The following ABLIM2 variants were observed in gnomAD, a reference collection of about 807,000 sequenced individuals.
The protein encoded by ABLIM2 is actin binding LIM protein family member 2.
A neutral mutation model predicts 97.7 loss-of-function variants in ABLIM2; 53 were observed. The ratio of observed to expected loss-of-function variants is 0.54; its 90% CI spans 0.44 to 0.68. The LOEUF is 0.68. Among genes scored for constraint, ABLIM2 ranks in the 30% least tolerant of loss-of-function variants. The pLI is 0.00. For missense variants in ABLIM2, 835 were observed against 867.2 expected (o/e 0.96, Z 0.47); for synonymous variants, 361 against 345.8 (o/e 1.04, Z -0.49).
intron 3 of ABLIM2, among the ~76,000 whole-genome samples, chr4:8,093,507 C>G (rs1484935318): frequency 2.0e-5 from 3 of 152,196 alleles, no homozygotes; most frequent in African/African-American, 7.2e-5. Context: ...AATCCAGCAG[C>G]TTTTAGCATA....
At chr4:8,073,885 C>T (rs758605849) in intron 6 of ABLIM2, among the ~76,000 whole-genome samples, 5 of 151,504 alleles carry the variant, frequency 3.3e-5, no homozygotes, top group Admixed American at 1.3e-4. Flanking sequence ...GTCGGGAGTT[C>T]GAGACCAGCC....
intron 17 of ABLIM2, among the ~76,000 whole-genome samples, chr4:7,991,364 C>T (rs1273151105): frequency 3.3e-5 from 5 of 151,538 alleles, no homozygotes; most frequent in Admixed American, 1.3e-4. Context: ...GGAAAGTCTC[C>T]AGGACCTCAC....
chr4:7,993,463 C>T (rs1192266121), intron 16 of ABLIM2, among the ~76,000 whole-genome samples: 1 of 152,196 alleles, frequency 6.6e-6, no homozygotes, highest in East Asian at 1.9e-4. Context: ...GTGGGAAAAT[C>T]ACTTGAGGCC....
In ABLIM2 at chr4:8,079,112, A is replaced by C. The variant is rs183976773; in HGVS notation, c.582-1391T>G. 4.3e-3 allele frequency among the ~76,000 whole-genome samples: 650 copies of C among 152,330 alleles called. 5 individuals carry two copies. The highest frequency in any genetic ancestry group is 0.015 in the African/African-American group (636 of 41,574). On this transcript the variant is annotated intron_variant, in intron 5 of 20. Transcript: ENST00000447017. Reference sequence around the variant, plus strand: ...TGCCCCTCTCTGGCTGCGGCCTGGAAGTGGCCCACAGCTGGGATAAGCCAT... The same window carrying C: ...TGCCCCTCTCTGGCTGCGGCCTGGACGTGGCCCACAGCTGGGATAAGCCAT...
intron 14 of ABLIM2, among the ~76,000 whole-genome samples, chr4:8,011,441 C>G (rs1300339862): frequency 6.6e-6 from 1 of 152,208 alleles, no homozygotes; most frequent in Admixed American, 6.5e-5. Flanking sequence ...ACTGGCACTT[C>G]GGATTATTGG....
Position 8,004,158 on chromosome 4 carries a change from C to A in ABLIM2, c.1618+3901G>T, listed in dbSNP as rs1468144557. 2.6e-5 allele frequency among the ~76,000 whole-genome samples: 4 copies of A among 151,978 alleles called. No individual in the cohort carries two copies. The highest frequency in any genetic ancestry group is 3.4e-3 in the Middle Eastern group (1 of 294). ...TGCAGCAGGGTCGCTGTCTCCTAAC[C>A]CTCCCTCCCAACGGGCTCCGAGACC... is the stretch of plus-strand genomic sequence containing the variant. On this transcript the variant is annotated intron_variant, in intron 16 of 20. Coordinates refer to ENST00000447017, the MANE Select transcript of ABLIM2 (RefSeq NM_001130083.2). This position sits in a 1 kb window ranked among gnomAD's most constrained non-coding sequence, Gnocchi z 5.9.
chr4:8,120,148 A>T lies in ABLIM2; in HGVS notation c.11-13511T>A, dbSNP rs146818430. ...CTCTGGGAGGCAGGAAGAGAAAAAC[A>T]GCCCAGCGGCCACGCTGCCCCTTCC... is the stretch of plus-strand genomic sequence containing the variant. On this transcript the variant is annotated intron_variant, in intron 1 of 20. Coordinates refer to ENST00000447017, the MANE Select transcript of ABLIM2 (RefSeq NM_001130083.2). This position sits in a 1 kb window ranked among gnomAD's most constrained non-coding sequence, Gnocchi z 5.6. Among the ~76,000 whole-genome samples the T allele has an allele frequency of 4.1e-4, 63 of 152,244 alleles. No homozygotes were observed. The East Asian group carries it at 0.01, about 25-fold the overall frequency.
At position 8,047,924 on chromosome 4, in the gene ABLIM2, A is replaced by C. The variant is rs148424484; in HGVS notation, c.823-2683T>G. On this transcript the variant is annotated intron_variant, in intron 8 of 20. Transcript: ENST00000447017. ...GATGAACATTGGGTGTTTTAGAAGA[A>C]AGATTCTCTGAAGCCGAGCACACCA... Among the ~76,000 whole-genome samples, 319 of 152,366 alleles carry C rather than the reference A, an allele frequency of 2.1e-3. 1 individual carries two copies. Among genetic ancestry groups the C allele is most frequent in the African/African-American group, 6.9e-3 (287 of 41,576 alleles).
At chr4:8,097,940 C>T (rs1013467704) in intron 2 of ABLIM2, among the ~76,000 whole-genome samples, 8 of 152,268 alleles carry the variant, frequency 5.3e-5, no homozygotes, top group East Asian at 1.9e-4. Context: ...CAACACACAC[C>T]CGGCCCAGGA....
chr4:7,997,117 G>T (rs1486059879), intron 16 of ABLIM2, among the ~76,000 whole-genome samples: 1 of 152,050 alleles, frequency 6.6e-6, no homozygotes, highest in Non-Finnish European at 1.5e-5. Context: ...TGTTGCCCAG[G>T]CTGGAGCACA....
intron 20 of ABLIM2, 100 bp from the exon 21 acceptor site, chr4:7,967,203 CA>C: frequency 1.0e-6 from 1 of 972,182 alleles, no homozygotes; most frequent in Non-Finnish European, 1.6e-6. Flanking sequence ...GGCAGGATTG[CA>C]TTGAGGATGG....
At chr4:8,109,996 C>T (rs768241197) in intron 1 of ABLIM2, among the ~76,000 whole-genome samples, 23 of 152,248 alleles carry the variant, frequency 1.5e-4, no homozygotes, top group Non-Finnish European at 2.6e-4. Context: ...GGGGAGGGTA[C>T]AGCAGGTGAA....
intron 8 of ABLIM2, among the ~76,000 whole-genome samples, chr4:8,048,004 C>G (rs1264272255): frequency 6.6e-6 from 1 of 152,232 alleles, no homozygotes; most frequent in Non-Finnish European, 1.5e-5. Flanking sequence ...CAGCCTCCAA[C>G]TGTGCCTTGG....
At chr4:7,976,606 C>T (rs931511320) in intron 20 of ABLIM2, among the ~76,000 whole-genome samples, 13 of 152,112 alleles carry the variant, frequency 8.5e-5, no homozygotes, top group East Asian at 3.9e-4. Context: ...GTCCTTTGCA[C>T]GGGTACTTTG....
chr4:8,042,875 A>G (rs34067831), intron 9 of ABLIM2, among the ~76,000 whole-genome samples: 43,279 of 148,170 alleles, frequency 0.29, 7,042 homozygotes, highest in African/African-American at 0.42. Context: ...TGTTGGCCAG[A>G]CGTGATGACT....
intron 1 of ABLIM2, among the ~76,000 whole-genome samples, 190 bp downstream of exon 1, chr4:8,158,490 G>A (rs1482559476): frequency 6.6e-6 from 1 of 151,984 alleles, no homozygotes; most frequent in Admixed American, 6.5e-5. Context: ...ACTGAGCTAC[G>A]CGCTCCGGGC....
intron 8 of ABLIM2, among the ~76,000 whole-genome samples, chr4:8,053,979 G>A (rs538040646): frequency 6.6e-6 from 1 of 152,298 alleles, no homozygotes; most frequent in East Asian, 1.9e-4. Context: ...GATATCAACA[G>A]AAAACAAAGA....
intron 5 of ABLIM2, among the ~76,000 whole-genome samples, chr4:8,078,226 C>T (rs888471768): frequency 3.3e-5 from 5 of 152,216 alleles, no homozygotes; most frequent in African/African-American, 1.2e-4. Flanking sequence ...TGCATCACAG[C>T]CCCCGAATAT....
rs775620508 is a variant in ABLIM2 at position 8,125,164 on chromosome 4, G to C, written c.11-18527C>G. Among the ~76,000 whole-genome samples, 9 of 152,138 alleles carry C rather than the reference G, an allele frequency of 5.9e-5. No individual in the cohort carries two copies. The highest frequency in any genetic ancestry group is 1.2e-4 in the Non-Finnish European group (8 of 68,020). On this transcript the variant is annotated intron_variant, in intron 1 of 20. Coordinates refer to ENST00000447017, the MANE Select transcript of ABLIM2 (RefSeq NM_001130083.2). The surrounding 1 kb of genome is among the most constrained non-coding windows in gnomAD (Gnocchi z 6.2). Reference sequence around the variant, plus strand: ...TTGCAAATATTTTCTCCTATTTTGTGAGTTGTGTTTTCACTTTCCTCACGA... The same window carrying C: ...TTGCAAATATTTTCTCCTATTTTGTCAGTTGTGTTTTCACTTTCCTCACGA...
Sources: gnomAD v4.1 joint callset for allele counts (sites outside exome capture counted in the v4.1 genomes callset) on GRCh38, gnomAD v4.1.1 for gene constraint, Gnocchi (gnomAD v3.1) non-coding constraint, MANE v1.5 for transcripts, NCBI Gene and HGNC (gene_info 2026-07-23, HGNC 2026-07-21) for gene names.